The following MFAP3L variants were observed in gnomAD, a reference collection of about 807,000 sequenced individuals.
MFAP3L encodes microfibril associated protein 3 like.
MFAP3L carries 5 observed loss-of-function variants against 20.0 expected under a neutral mutation model. The ratio of observed to expected loss-of-function variants is 0.25; its 90% CI spans 0.13 to 0.53. The LOEUF (loss-of-function observed/expected upper bound fraction) is 0.53, where lower values mean the gene tolerates loss of function less well. Ranked by LOEUF, MFAP3L falls within the 20% of genes least tolerant of loss-of-function variation. The probability of loss-of-function intolerance (pLI) is 0.96; values close to 1 mark genes in which losing one functional copy is unlikely to be tolerated. For synonymous variants in MFAP3L, 219 were observed against 213.0 expected (o/e 1.03, Z -0.25); for missense variants, 409 against 527.5 (o/e 0.78, Z 2.20).
chr4:169,998,029 A>T lies in MFAP3L; in HGVS notation c.299-5720T>A, dbSNP rs924401814. 1.2e-4 allele frequency among the ~76,000 whole-genome samples: 18 copies of T among 148,120 alleles called. No individual in the cohort carries two copies. In the East Asian group the frequency reaches 1.9e-3, roughly 16 times the overall value. On this transcript the variant is annotated intron_variant, in intron 2 of 2. Coordinates refer to ENST00000361618, the MANE Select transcript of MFAP3L (RefSeq NM_021647.8). ...GTAAACCAAACAACGTAATAATAATAAAAAAAATCTTTTTAAGAACAGTGT... is the reference window on the plus strand; with the variant it reads ...GTAAACCAAACAACGTAATAATAATTAAAAAAATCTTTTTAAGAACAGTGT...
intron 1 of MFAP3L, among the ~76,000 whole-genome samples, chr4:170,023,223 C>G (rs895880555): frequency 6.6e-6 from 1 of 152,270 alleles, no homozygotes; most frequent in South Asian, 2.1e-4. Context: ...CTCTGGAGCA[C>G]TCATCCTGTA....
intron 1 of MFAP3L, among the ~76,000 whole-genome samples, chr4:170,010,841 A>G (rs900434146): frequency 2.0e-5 from 3 of 152,036 alleles, no homozygotes; most frequent in Admixed American, 1.3e-4. Context: ...CATGTTGTTC[A>G]AGCATCAACT....
intron 1 of MFAP3L, among the ~76,000 whole-genome samples, chr4:170,019,328 C>T (rs1053207358): frequency 6.6e-6 from 1 of 152,138 alleles, no homozygotes; most frequent in African/African-American, 2.4e-5. Context: ...CTGGAGATAG[C>T]TTGAGGCCAG....
chr4:170,002,997 C>G (rs1363974920), intron 2 of MFAP3L, among the ~76,000 whole-genome samples: 1 of 152,108 alleles, frequency 6.6e-6, no homozygotes, highest in South Asian at 2.1e-4. Context: ...TACCAATAGG[C>G]CATTCCAGCT....
At chr4:170,002,619 CCTG>C in intron 2 of MFAP3L, among the ~76,000 whole-genome samples, 1 of 152,004 alleles carries the variant, frequency 6.6e-6, no homozygotes, top group Non-Finnish European at 1.5e-5. Flanking sequence ...AAGCGATTCT[CCTG>C]CCTCAGCCTC....
intron 1 of MFAP3L, among the ~76,000 whole-genome samples, chr4:170,026,004 T>C (rs922224158): frequency 2.0e-5 from 3 of 151,710 alleles, no homozygotes; most frequent in African/African-American, 7.3e-5. Flanking sequence ...GATGCGGCAG[T>C]CCCCAAACGG....
chr4:169,991,138 T>A lies in MFAP3L; in HGVS notation c.*240A>T, dbSNP rs527887425. ...AGAGATCAGCCTCTGAAACTCATTATCACATAGACACCTTCTGTCTGGTAT... is the reference window on the plus strand; with the variant it reads ...AGAGATCAGCCTCTGAAACTCATTAACACATAGACACCTTCTGTCTGGTAT... On this transcript the variant is annotated 3_prime_UTR_variant, in exon 3 of 3. Transcript: ENST00000361618. The surrounding 1 kb of genome is among the most constrained non-coding windows in gnomAD (Gnocchi z 4.9). The A allele has an allele frequency of 1.8e-6, 1 of 540,718 alleles. No homozygotes were observed. The highest frequency in any genetic ancestry group is 3.3e-6 in the Non-Finnish European group (1 of 307,362). The allele number at this position is 540,718 out of a possible 1,614,324, so 33.5% of individuals were successfully genotyped here.
intron 1 of MFAP3L, among the ~76,000 whole-genome samples, chr4:170,009,947 T>C (rs1466967462): frequency 6.6e-6 from 1 of 152,224 alleles, no homozygotes; most frequent in African/African-American, 2.4e-5. Flanking sequence ...CTCTGATGAA[T>C]AATTTGTAGA....
chr4:169,991,297 T>TA lies in MFAP3L; in HGVS notation c.*80dup. The TA allele has an allele frequency of 7.0e-7, 1 of 1,423,532 alleles. No homozygotes were observed. The highest frequency in any genetic ancestry group is 2.1e-5 in the Admixed American group (1 of 48,258). The allele number at this position is 1,423,532 out of a possible 1,614,324, so 88.2% of individuals were successfully genotyped here. ...GGGATGAGAGTCTCCTGGTAAGGCT[T>TA]AGCGGCAAGTGCGTACTACATCTGT... On this transcript the variant is annotated 3_prime_UTR_variant, in exon 3 of 3. Coordinates refer to ENST00000361618, the MANE Select transcript of MFAP3L (RefSeq NM_021647.8). This position sits in a 1 kb window ranked among gnomAD's most constrained non-coding sequence, Gnocchi z 4.9.
chr4:170,022,324 T>C (rs1008936454), intron 1 of MFAP3L, among the ~76,000 whole-genome samples: 3 of 152,192 alleles, frequency 2.0e-5, no homozygotes, highest in Non-Finnish European at 4.4e-5. Flanking sequence ...TGGGGTTTAG[T>C]TATCCATTGT....
intron 2 of MFAP3L, among the ~76,000 whole-genome samples, chr4:170,004,103 C>T (rs1435488309): frequency 3.9e-5 from 6 of 152,138 alleles, no homozygotes; most frequent in South Asian, 2.1e-4. Context: ...ATTACAGGCA[C>T]GTGCCACCAT....
intron 2 of MFAP3L, chr4:170,002,228 T>TA: frequency 1.0e-6 from 1 of 985,314 alleles, no homozygotes; most frequent in Non-Finnish European, 1.2e-6. Flanking sequence ...CTACAGGACC[T>TA]AAAGGATGAT....
In MFAP3L at chr4:169,992,076, G is replaced by A; in HGVS notation, c.532C>T (p.His178Tyr). Residue 178 changes from histidine to tyrosine, a missense_variant, in exon 3 of 3, where the codon CAT becomes TAT. This residue lies in a region of MFAP3L where 127 missense variants were observed against 218.1 expected (regional missense o/e 0.58). Coordinates refer to ENST00000361618, the MANE Select transcript of MFAP3L (RefSeq NM_021647.8). This position sits in a 1 kb window ranked among gnomAD's most constrained non-coding sequence, Gnocchi z 4.3. ...ATGGCCTTCTCAGTCTTCTTTAGATGGCTGCTCATCATGCACAGGCGGGTG... is the reference window on the plus strand; with the variant it reads ...ATGGCCTTCTCAGTCTTCTTTAGATAGCTGCTCATCATGCACAGGCGGGTG... ...NITRLCMMSS[H>Y]LKKTEKAINE... is the part of the protein sequence containing the mutation. 6.2e-7 allele frequency: 1 copy of A among 1,614,114 alleles called. No individual in the cohort carries two copies. The highest frequency in any genetic ancestry group is 8.5e-7 in the Non-Finnish European group (1 of 1,180,022).
chr4:170,009,991 G>C lies in MFAP3L; in HGVS notation c.-133-3981C>G, dbSNP rs112951431. On this transcript the variant is annotated intron_variant, in intron 1 of 2. Coordinates refer to ENST00000361618, the MANE Select transcript of MFAP3L (RefSeq NM_021647.8). ...ACTGGATTTTGTTGCAACACCTACT[G>C]AGAGTTACCCCTATTTTAATTTGCG... 3.2e-3 allele frequency among the ~76,000 whole-genome samples: 484 copies of C among 152,118 alleles called. 2 individuals are homozygous for C. Among genetic ancestry groups the C allele is most frequent in the Admixed American group, 4.8e-3 (73 of 15,292 alleles).
chr4:170,002,874 A>C (rs1024605669), intron 2 of MFAP3L, among the ~76,000 whole-genome samples: 1 of 151,946 alleles, frequency 6.6e-6, no homozygotes, highest in Non-Finnish European at 1.5e-5. Context: ...AAAACACAAA[A>C]AACACCGCTC....
chr4:170,019,810 G>C (rs1739916494), intron 1 of MFAP3L, among the ~76,000 whole-genome samples: 2 of 152,140 alleles, frequency 1.3e-5, no homozygotes, highest in African/African-American at 4.8e-5. Flanking sequence ...TTATACTTCA[G>C]TATCTGTTCA....
At chr4:170,000,345 G>C (rs773152628) in intron 2 of MFAP3L, among the ~76,000 whole-genome samples, 42 of 152,178 alleles carry the variant, frequency 2.8e-4, no homozygotes, top group Non-Finnish European at 5.7e-4. Flanking sequence ...GAAATTGAGA[G>C]AGAGGATATT....
At chr4:170,008,592 T>G (rs1159639538) in intron 1 of MFAP3L, among the ~76,000 whole-genome samples, 1 of 151,756 alleles carries the variant, frequency 6.6e-6, no homozygotes, top group Non-Finnish European at 1.5e-5. Flanking sequence ...GGGCTTGGAG[T>G]TGGGTAGGAA....
chr4:170,026,452 GC>G, upstream of MFAP3L: 1 of 230,560 alleles, frequency 4.3e-6, no homozygotes, highest in Non-Finnish European at 7.1e-6. Context: ...GGCCGAGCAT[GC>G]CCAGTGCGGC....
Sources: gnomAD v4.1 joint callset for allele counts (sites outside exome capture counted in the v4.1 genomes callset) on GRCh38, gnomAD v4.1.1 for gene constraint, gnomAD v4.1.1 regional missense constraint, Gnocchi (gnomAD v3.1) non-coding constraint, MANE v1.5 for transcripts, NCBI Gene and HGNC (gene_info 2026-07-23, HGNC 2026-07-21) for gene names.